MTUS2: variants seen among roughly 807,000 people sequenced by gnomAD.
The protein encoded by MTUS2 is microtubule associated scaffold protein 2.
Under a neutral mutation model 114.1 loss-of-function variants are expected in MTUS2, and 40 were observed. That is an observed-to-expected ratio of 0.35 (90% CI 0.27 to 0.46). The LOEUF is 0.46. Ranked by LOEUF, MTUS2 falls within the 20% of genes least tolerant of loss-of-function variation. MTUS2 has a pLI of 1.00. For missense variants in MTUS2, 1,679 were observed against 1,705.4 expected, an observed-to-expected ratio of 0.98 and a Z score of 0.27; for synonymous variants, 688 against 672.0, an observed-to-expected ratio of 1.02 and a Z score of -0.37.
At chr13:29,448,459 G>GCC (rs1878441762) in intron 9 of MTUS2, among the ~76,000 whole-genome samples, 1 of 152,164 alleles carries the variant, frequency 6.6e-6, no homozygotes, top group Admixed American at 6.5e-5. Flanking sequence ...GGCAAATTTA[G>GCC]CCACAGTGGA....
At chr13:29,061,286 C>G (rs1888406302) in intron 4 of MTUS2, among the ~76,000 whole-genome samples, 1 of 152,128 alleles carries the variant, frequency 6.6e-6, no homozygotes, top group Admixed American at 6.5e-5. Flanking sequence ...AACCTTTCTT[C>G]TAGAGCTGAT....
At chr13:29,248,290 G>A (rs115445602) in intron 5 of MTUS2, among the ~76,000 whole-genome samples, 2,580 of 152,188 alleles carry the variant, frequency 0.017, 80 homozygotes, top group African/African-American at 0.06. Flanking sequence ...CACATTGCAT[G>A]TAGTGTACAT....
At chr13:29,212,119 C>A (rs1347465296) in intron 5 of MTUS2, among the ~76,000 whole-genome samples, 2 of 152,120 alleles carry the variant, frequency 1.3e-5, no homozygotes, top group Non-Finnish European at 2.9e-5. Flanking sequence ...TTACAGTCCA[C>A]AAATTTTGAC....
At chr13:28,862,154 C>A (rs1469478685) in intron 2 of MTUS2, among the ~76,000 whole-genome samples, 2 of 152,130 alleles carry the variant, frequency 1.3e-5, no homozygotes, top group African/African-American at 4.8e-5. Context: ...TAGCACAGAT[C>A]AATCTGAATG....
intron 5 of MTUS2, among the ~76,000 whole-genome samples, chr13:29,130,966 C>T (rs61945868): frequency 0.012 from 1,881 of 152,316 alleles, 25 homozygotes; most frequent in Admixed American, 0.031. Context: ...CATTCATCTC[C>T]CTCTGCTCCA....
At chr13:29,484,440 G>A (rs976460936) in intron 10 of MTUS2, among the ~76,000 whole-genome samples, 3 of 152,340 alleles carry the variant, frequency 2.0e-5, no homozygotes, top group Non-Finnish European at 2.9e-5. Context: ...TCCATGCTCC[G>A]GGAGGAGGCG....
intron 2 of MTUS2, among the ~76,000 whole-genome samples, chr13:28,978,806 T>C (rs1952206206): frequency 6.6e-6 from 1 of 152,206 alleles, no homozygotes; most frequent in Non-Finnish European, 1.5e-5. Flanking sequence ...GACGGGTCAG[T>C]GGACTCTACA....
At chr13:29,017,248 G>C (rs1255132747) in intron 2 of MTUS2, among the ~76,000 whole-genome samples, 1 of 151,940 alleles carries the variant, frequency 6.6e-6, no homozygotes, top group Non-Finnish European at 1.5e-5. Context: ...CTTGAATTTT[G>C]GGTTCATATT....
At chr13:29,143,122 C>T (rs1892295042) in intron 5 of MTUS2, among the ~76,000 whole-genome samples, 1 of 152,192 alleles carries the variant, frequency 6.6e-6, no homozygotes, top group Non-Finnish European at 1.5e-5. Flanking sequence ...ATAAATCGAG[C>T]TTAGCAAGGC....
At chr13:29,183,147 T>A (rs951932896) in intron 5 of MTUS2, among the ~76,000 whole-genome samples, 11 of 152,068 alleles carry the variant, frequency 7.2e-5, no homozygotes, top group Admixed American at 3.9e-4. Context: ...GATGTGAGGA[T>A]GAATTGTACC....
intron 5 of MTUS2, among the ~76,000 whole-genome samples, chr13:29,179,544 T>C (rs1315529907): frequency 1.3e-5 from 2 of 152,188 alleles, no homozygotes; most frequent in Non-Finnish European, 2.9e-5. Flanking sequence ...TACCTTCTAT[T>C]CTCAGCCAAC....
Position 29,013,141 on chromosome 13 carries a change from G to A in MTUS2, c.-242-11316G>A, listed in dbSNP as rs1327042539. Among the ~76,000 whole-genome samples, 8 of 152,262 alleles carry A rather than the reference G, an allele frequency of 5.3e-5. No individual in the cohort carries two copies. In the South Asian group the frequency reaches 1.0e-3, roughly 20 times the overall value. On this transcript the variant is annotated intron_variant, in intron 2 of 15. Transcript: ENST00000612955. ...AAATACATTGTCTTTTCTGTGATTC[G>A]GGGTGTTTCCTTTTCTCTTCGTTTG...
chr13:29,375,567 ATATATAC>A (rs1566163390), intron 8 of MTUS2, among the ~76,000 whole-genome samples: 303 of 4,416 alleles, frequency 0.069, 44 homozygotes, highest in East Asian at 0.34. Flanking sequence ...ACGTATATAT[ATATATAC>A]ATATATATAT....
chr13:29,363,370 A>T (rs1870431136), intron 8 of MTUS2, among the ~76,000 whole-genome samples: 1 of 152,186 alleles, frequency 6.6e-6, no homozygotes, highest in African/African-American at 2.4e-5. Flanking sequence ...ATGTGATTGT[A>T]GATGATGGTT....
intron 2 of MTUS2, among the ~76,000 whole-genome samples, chr13:28,862,577 C>A (rs996219730): frequency 6.6e-6 from 1 of 152,238 alleles, no homozygotes; most frequent in African/African-American, 2.4e-5. Context: ...TGTGCCACTG[C>A]ACTCCGGCCT....
rs541680231 is a variant in MTUS2 at position 29,026,434 on chromosome 13, G to A, written c.1736G>A (p.Arg579His). The A allele has an allele frequency of 1.5e-5, 24 of 1,613,922 alleles. No homozygotes were observed. The Admixed American group carries it at 2.0e-4, about 13-fold the overall frequency. The change falls in exon 3 of 16, where the codon CGC (arginine) becomes CAC (histidine). Residue 579 changes from arginine to histidine, a missense_variant. Transcript: ENST00000612955. Reference protein sequence around the residue: ...LVVPPPTDSARLLNTSPKVPD... With the variant: ...LVVPPPTDSAHLLNTSPKVPD... The stretch of plus-strand genomic sequence containing the variant: ...GTTCCACCCCCTACTGATAGTGCAC[G>A]CTTGTTGAACACGTCCCCCAAAGTG...
intron 1 of MTUS2, among the ~76,000 whole-genome samples, 182 bp downstream of exon 1, chr13:28,820,793 GCTTA>G (rs1291474406): frequency 3.3e-5 from 5 of 152,186 alleles, no homozygotes; most frequent in African/African-American, 1.2e-4. Context: ...ACCTGCTCTG[GCTTA>G]GGGACTGCAG....
chr13:29,034,539 C>T (rs1886975610), intron 4 of MTUS2, among the ~76,000 whole-genome samples: 1 of 152,204 alleles, frequency 6.6e-6, no homozygotes, highest in South Asian at 2.1e-4. Flanking sequence ...GTTCCAGACT[C>T]ACTGGGCATG....
At position 29,371,227 on chromosome 13, in the gene MTUS2, C is replaced by T. The variant is rs983526108; in HGVS notation, c.3117+11754C>T. ...TATCTTCACATTAACCACCCCCCCCCCCTTTTTTGAGATGGAGTCTCGCTC... is the reference window on the plus strand; with the variant it reads ...TATCTTCACATTAACCACCCCCCCCTCCTTTTTTGAGATGGAGTCTCGCTC... On this transcript the variant is annotated intron_variant, in intron 8 of 15. Transcript: ENST00000612955. 3.3e-5 allele frequency among the ~76,000 whole-genome samples: 5 copies of T among 149,424 alleles called. No homozygotes were observed. In the East Asian group the frequency reaches 7.9e-4, roughly 24 times the overall value.
Sources: gnomAD v4.1 joint callset for allele counts (sites outside exome capture counted in the v4.1 genomes callset) on GRCh38, gnomAD v4.1.1 for gene constraint, MANE v1.5 for transcripts, NCBI Gene and HGNC (gene_info 2026-07-23, HGNC 2026-07-21) for gene names.